CDH18: variants seen among roughly 807,000 people sequenced by gnomAD.
CDH18 encodes the protein cadherin-18.
Under a neutral mutation model 67.9 loss-of-function variants are expected in CDH18, and 31 were observed. That is an observed-to-expected ratio of 0.46 (90% confidence interval 0.34 to 0.62). The LOEUF (loss-of-function observed/expected upper bound fraction) is 0.62, where lower values mean the gene tolerates loss of function less well. CDH18 is among the 20% of genes least tolerant of loss of function. The pLI is 0.01. For missense variants in CDH18, 890 were observed against 975.5 expected (o/e 0.91, Z 1.17); for synonymous variants, 362 against 347.2 (o/e 1.04, Z -0.48).
chr5:19,913,573 T>A (rs1290055587), intron 2 of CDH18, among the ~76,000 whole-genome samples: 1 of 152,098 alleles, frequency 6.6e-6, no homozygotes, highest in Non-Finnish European at 1.5e-5. Flanking sequence ...AGTAGGTATG[T>A]GTTCATGGCA....
chr5:19,546,199 C>A (rs1262276117), intron 8 of CDH18, among the ~76,000 whole-genome samples: 2 of 152,078 alleles, frequency 1.3e-5, no homozygotes, highest in African/African-American at 4.8e-5. Flanking sequence ...GAAAATATAT[C>A]AAAGGACTGG....
intron 2 of CDH18, among the ~76,000 whole-genome samples, chr5:19,887,621 T>G (rs1275848456): frequency 6.6e-6 from 1 of 151,896 alleles, no homozygotes; most frequent in African/African-American, 2.4e-5. Context: ...CAGTGTGGAG[T>G]GCAGTGGCAT....
At chr5:19,630,673 T>G (rs935979397) in intron 5 of CDH18, among the ~76,000 whole-genome samples, 4 of 152,142 alleles carry the variant, frequency 2.6e-5, no homozygotes, top group African/African-American at 9.7e-5. Context: ...GTAATAGAAG[T>G]AGGCACCTAA....
intron 3 of CDH18, among the ~76,000 whole-genome samples, chr5:19,823,078 G>T (rs185810776): frequency 6.6e-5 from 10 of 152,304 alleles, no homozygotes; most frequent in African/African-American, 2.2e-4. Flanking sequence ...GTTCCGCCTG[G>T]CTCACCGGCG....
intron 8 of CDH18, among the ~76,000 whole-genome samples, chr5:19,558,802 G>A (rs1232675905): frequency 6.6e-6 from 1 of 151,850 alleles, no homozygotes; most frequent in African/African-American, 2.4e-5. Context: ...ATTCCATGAA[G>A]CCAGTATCAT....
At chr5:19,533,457 T>C (rs983242735) in intron 9 of CDH18, among the ~76,000 whole-genome samples, 1 of 152,170 alleles carries the variant, frequency 6.6e-6, no homozygotes, top group African/African-American at 2.4e-5. Flanking sequence ...AAGGAGCTTT[T>C]CAGTCAAAAG....
chr5:19,931,414 C>T (rs1002786003), intron 2 of CDH18, among the ~76,000 whole-genome samples: 2 of 151,824 alleles, frequency 1.3e-5, no homozygotes, highest in Non-Finnish European at 1.5e-5. Flanking sequence ...AGTGAACATG[C>T]ATTAAAACAT....
intron 2 of CDH18, among the ~76,000 whole-genome samples, chr5:20,098,465 C>CTTTGACCAACTCCCCAT (rs1292134436): frequency 1.3e-5 from 2 of 152,090 alleles, no homozygotes; most frequent in East Asian, 3.9e-4. Flanking sequence ...AGGTTTTACT[C>CTTTGACCAACTCCCCAT]TTTGACCAAC....
intron 1 of CDH18, among the ~76,000 whole-genome samples, chr5:20,339,665 C>T (rs994594878): frequency 1.3e-5 from 2 of 152,164 alleles, no homozygotes; most frequent in African/African-American, 4.8e-5. Flanking sequence ...TGGCCTTACT[C>T]ATGCCCCTAG....
At chr5:19,960,745 G>T (rs1180449316) in intron 2 of CDH18, among the ~76,000 whole-genome samples, 1 of 130,394 alleles carries the variant, frequency 7.7e-6, no homozygotes, top group Non-Finnish European at 1.5e-5. Context: ...ACGTATACAC[G>T]TGTATATATA....
chr5:20,469,188 T>C (rs1751876343), intron 1 of CDH18, among the ~76,000 whole-genome samples: 1 of 152,152 alleles, frequency 6.6e-6, no homozygotes, highest in Non-Finnish European at 1.5e-5. Flanking sequence ...GGGACTTTGC[T>C]CAAGACCCAG....
At chr5:20,064,062 T>A (rs1742756768) in intron 2 of CDH18, among the ~76,000 whole-genome samples, 2 of 152,204 alleles carry the variant, frequency 1.3e-5, no homozygotes, top group Non-Finnish European at 2.9e-5. Context: ...TATTTTATAC[T>A]CCAGAACAAT....
At chr5:20,433,516 G>A (rs765911155) in intron 1 of CDH18, among the ~76,000 whole-genome samples, 2 of 152,072 alleles carry the variant, frequency 1.3e-5, no homozygotes, top group Middle Eastern at 3.4e-3. Flanking sequence ...ATGGTCTGAG[G>A]AGAAGAGGAG....
chr5:20,165,272 A>T (rs1450806767), intron 2 of CDH18, among the ~76,000 whole-genome samples: 1 of 152,022 alleles, frequency 6.6e-6, no homozygotes, highest in Non-Finnish European at 1.5e-5. Context: ...ATTGTATAGT[A>T]TATATGTTGA....
intron 5 of CDH18, among the ~76,000 whole-genome samples, chr5:19,720,163 C>T (rs1193088611): frequency 1.3e-5 from 2 of 152,022 alleles, no homozygotes; most frequent in African/African-American, 4.8e-5. Flanking sequence ...GGATGTGCCT[C>T]ACATAACACA....
intron 3 of CDH18, among the ~76,000 whole-genome samples, chr5:19,790,871 T>C (rs1776283225): frequency 6.6e-6 from 1 of 152,012 alleles, no homozygotes; most frequent in Non-Finnish European, 1.5e-5. Flanking sequence ...GAGATACATT[T>C]CAGATGAGGA....
intron 2 of CDH18, among the ~76,000 whole-genome samples, chr5:20,050,838 C>G (rs980266283): frequency 6.6e-6 from 1 of 151,794 alleles, no homozygotes; most frequent in Non-Finnish European, 1.5e-5. Flanking sequence ...CAGGACACAG[C>G]CTGGCATTTA....
chr5:20,416,923 T>TC (rs1412374464), intron 1 of CDH18, among the ~76,000 whole-genome samples: 4 of 152,090 alleles, frequency 2.6e-5, no homozygotes, highest in East Asian at 3.8e-4. Flanking sequence ...ATAAGATTTT[T>TC]CAATAATGTG....
intron 2 of CDH18, among the ~76,000 whole-genome samples, chr5:19,851,925 G>A (rs1469910551): frequency 6.6e-6 from 1 of 151,934 alleles, no homozygotes; most frequent in Non-Finnish European, 1.5e-5. Flanking sequence ...TGTTACACAA[G>A]AAACAAAGGA....
Sources: allele counts gnomAD v4.1 joint callset (sites outside exome capture counted in the v4.1 genomes callset), GRCh38; gene constraint gnomAD v4.1.1; transcripts MANE v1.5; gene names NCBI Gene and HGNC (gene_info 2026-07-23, HGNC 2026-07-21).